Variants in OSBPL5 observed in about 807,000 individuals in gnomAD.
The protein encoded by OSBPL5 is oxysterol-binding protein-related protein 5.
OSBPL5 carries 71 observed loss-of-function variants against 111.2 expected under a neutral mutation model. That is an observed-to-expected ratio of 0.64 (90% confidence interval 0.53 to 0.78). The LOEUF (loss-of-function observed/expected upper bound fraction) is 0.78. OSBPL5 is among the 30% of genes least tolerant of loss of function. The pLI is 0.00. For missense variants in OSBPL5, 1,210 were observed against 1,189.3 expected, an observed-to-expected ratio of 1.02 and a Z score of -0.26; for synonymous variants, 549 against 513.9, an observed-to-expected ratio of 1.07 and a Z score of -0.93.
intron 1 of OSBPL5, among the ~76,000 whole-genome samples, chr11:3,156,700 T>C (rs906596336): frequency 1.3e-5 from 2 of 152,240 alleles, no homozygotes; most frequent in Non-Finnish European, 2.9e-5. Flanking sequence ...AATCATTCAT[T>C]ATGCATAAGC....
At chr11:3,152,115 G>A (rs1846611801) in intron 1 of OSBPL5, among the ~76,000 whole-genome samples, 1 of 152,172 alleles carries the variant, frequency 6.6e-6, no homozygotes, top group African/African-American at 2.4e-5. Flanking sequence ...TGGTGGCTCT[G>A]CCCCTGCTCA....
chr11:3,103,266 G>T lies in OSBPL5; in HGVS notation c.1299C>A (p.Tyr433Ter). The T allele has an allele frequency of 6.2e-7, 1 of 1,607,894 alleles. No individual in the cohort carries two copies. Among genetic ancestry groups the T allele is most frequent in the Non-Finnish European group, 8.5e-7 (1 of 1,177,210 alleles). ...YSRMKLVLRW[Y>*]LSGFYKKPKG... The stretch of plus-strand genomic sequence containing the variant: ...TGGGCTTCTTGTAGAAGCCAGACAG[G>T]TACCACCGCAGCACCAGCTTCATGC... The change falls in exon 11 of 22, where the codon TAC becomes TAA. Residue 433 changes from tyrosine (Y) to a stop codon, truncating the protein, a stop_gained. Transcript: ENST00000263650. LOFTEE classifies it high-confidence loss of function.
chr11:3,091,886 G>A (rs1299650260), intron 19 of OSBPL5, among the ~76,000 whole-genome samples: 4 of 152,182 alleles, frequency 2.6e-5, no homozygotes, highest in African/African-American at 4.8e-5. Context: ...CCCTCTGCAC[G>A]CAGTAGGTGC....
chr11:3,160,380 A>C (rs754496184), intron 1 of OSBPL5, among the ~76,000 whole-genome samples: 33 of 152,220 alleles, frequency 2.2e-4, no homozygotes, highest in Admixed American at 7.9e-4. Context: ...ATAGGCGGGC[A>C]GGAGCGGGAC....
chr11:3,129,123 C>G lies in OSBPL5; in HGVS notation c.26G>C (p.Arg9Pro), dbSNP rs534210917. ...GGAAGGTGGACACAGGGAGAAGCGGCGCCGGAGGAAGGCCTCCTCCTTCAT... is the reference window on the plus strand; with the variant it reads ...GGAAGGTGGACACAGGGAGAAGCGGGGCCGGAGGAAGGCCTCCTCCTTCAT... MKEEAFLR[R>P]RFSLCPPSST... The change falls in exon 2 of 22, where the codon CGC becomes CCC. Residue 9 changes from arginine (R) to proline (P), a missense_variant. Coordinates refer to ENST00000263650, the MANE Select transcript of OSBPL5 (RefSeq NM_020896.4). The G allele has an allele frequency of 2.7e-6, 4 of 1,491,784 alleles. No individual in the cohort carries two copies. Among genetic ancestry groups the G allele is most frequent in the Non-Finnish European group, 1.8e-6 (2 of 1,117,494 alleles). The allele number at this position is 1,491,784 out of a possible 1,614,324, so 92.4% of individuals were successfully genotyped here.
At chr11:3,119,110 A>G (rs1187665641) in intron 7 of OSBPL5, among the ~76,000 whole-genome samples, 1 of 151,958 alleles carries the variant, frequency 6.6e-6, no homozygotes, top group Admixed American at 6.6e-5. Context: ...CCCGGGTTCA[A>G]GCAATCCTCC....
chr11:3,151,552 C>T (rs569765644), intron 1 of OSBPL5, among the ~76,000 whole-genome samples: 9 of 152,312 alleles, frequency 5.9e-5, no homozygotes, highest in Admixed American at 1.3e-4. Flanking sequence ...GCATCCAAAC[C>T]GACCCCTGCC....
rs936650455 is a variant in OSBPL5, at chr11:3,105,524, C to T, written c.1060-1147G>A. 1.4e-4 allele frequency among the ~76,000 whole-genome samples: 21 copies of T among 152,108 alleles called. No individual in the cohort carries two copies. Among genetic ancestry groups the T allele is most frequent in the Admixed American group, 1.0e-3 (16 of 15,284 alleles). ...CTGCTCTGTCCATGTGCTCCCGTCC[C>T]GTCCTCCTTAACCCTCTCCACCAGG... On this transcript the variant is annotated intron_variant, in intron 9 of 21. Coordinates refer to ENST00000263650, the MANE Select transcript of OSBPL5 (RefSeq NM_020896.4). The surrounding 1 kb of genome is among the most constrained non-coding windows in gnomAD (Gnocchi z 5.2).
chr11:3,160,672 T>TGGCCCCCCCCCCCCCCCCCCCCCCC (rs1846933748), intron 1 of OSBPL5, among the ~76,000 whole-genome samples: 2 of 122,538 alleles, frequency 1.6e-5, no homozygotes, highest in Non-Finnish European at 1.7e-5. Flanking sequence ...ATGACAACCC[T>TGGCCCCCCCCCCCCCCCCCCCCCCC]CCCCCCCCCC....
At chr11:3,111,773 G>A (rs147396588) in intron 7 of OSBPL5, among the ~76,000 whole-genome samples, 2 of 152,274 alleles carry the variant, frequency 1.3e-5, no homozygotes, top group East Asian at 3.9e-4. Flanking sequence ...CTACTAAGGG[G>A]CTTTATTCAT....
At chr11:3,120,335 G>A in intron 6 of OSBPL5, 86 bp downstream of exon 6, 1 of 1,502,536 alleles carries the variant, frequency 6.7e-7, no homozygotes, top group Non-Finnish European at 9.0e-7. Flanking sequence ...CATTCAGCTG[G>A]TTGGCTCCAC....
rs369805404 is a variant in OSBPL5, at chr11:3,093,619, C to T, written c.1854G>A (p.Ala618=). 2.8e-5 allele frequency: 45 copies of T among 1,612,946 alleles called. No individual in the cohort carries two copies. In the African/African-American group the frequency reaches 2.8e-4, roughly 10 times the overall value. ...FIKEEGSGSS[A]LFWTPSGEVR... is the part of the protein sequence containing the mutation. ...CCTCCCCGCTCGGGGTCCAGAAAAG[C>T]GCACTGCTTCCGCTCCCTTCCTCCT... The change falls in exon 17 of 22, where the codon GCG becomes GCA. Residue 618 remains alanine (A), a synonymous_variant. Coordinates refer to ENST00000263650, the MANE Select transcript of OSBPL5 (RefSeq NM_020896.4).
At chr11:3,152,957 C>T (rs1037136431) in intron 1 of OSBPL5, among the ~76,000 whole-genome samples, 2 of 152,144 alleles carry the variant, frequency 1.3e-5, no homozygotes, top group African/African-American at 4.8e-5. Flanking sequence ...CAATCTTACT[C>T]ATCTGGTTTC....
intron 19 of OSBPL5, among the ~76,000 whole-genome samples, chr11:3,091,471 C>T (rs1857052310): frequency 6.6e-6 from 1 of 152,096 alleles, no homozygotes. Context: ...TGGCAGGGCC[C>T]AGGCTGACTG....
At position 3,150,420 on chromosome 11, in the gene OSBPL5, G is replaced by C. The variant is rs1846543289; in HGVS notation, c.-22+14796C>G. ...GGATGCAGCCTTGGGGAGGAACCCAGCAGCTCCTCCTCCTTAGGGAGGAGC... is the reference window on the plus strand; with the variant it reads ...GGATGCAGCCTTGGGGAGGAACCCACCAGCTCCTCCTCCTTAGGGAGGAGC... On this transcript the variant is annotated intron_variant, in intron 1 of 21. Transcript: ENST00000263650. Among the ~76,000 whole-genome samples, 5 of 152,272 alleles carry C rather than the reference G, an allele frequency of 3.3e-5. No individual in the cohort carries two copies. In the South Asian group the frequency reaches 8.3e-4, roughly 25 times the overall value.
chr11:3,094,242 G>A lies in OSBPL5; in HGVS notation c.1714C>T (p.Leu572Phe), dbSNP rs1460137811. ...NNFQAQLEFK[L>F]KPFFGGSTSI... ...CAGGCTGCAGCCAGCGCTACCTTGA[G>A]TTTGAATTCCAGCTGGGCCTGGAAG... The change falls in exon 15 of 22, where the codon CTC becomes TTC. Residue 572 changes from leucine (L) to phenylalanine (F), a missense_variant. Leu to Phe is a conservative substitution (Grantham distance 22). Transcript: ENST00000263650. 6.2e-7 allele frequency: 1 copy of A among 1,613,424 alleles called. No homozygotes were observed. Among genetic ancestry groups the A allele is most frequent in the South Asian group, 1.1e-5 (1 of 91,046 alleles).
At chr11:3,102,385 G>C (rs1255061308) in intron 11 of OSBPL5, 104 bp from the exon 12 acceptor site, 3 of 1,030,852 alleles carry the variant, frequency 2.9e-6, no homozygotes, top group South Asian at 1.4e-5. Context: ...TGGGCTACCC[G>C]CTGCCTGCTG....
At chr11:3,102,133 CGCCCCATAGAGCCCA>C (rs1434267033) in intron 12 of OSBPL5, 35 bp downstream of exon 12, 2 of 1,538,026 alleles carry the variant, frequency 1.3e-6, no homozygotes, top group Admixed American at 3.9e-5. Flanking sequence ...CACAGAGCCC[CGCCCCATAGAGCCCA>C]GCACCCAGGC....
chr11:3,090,031 C>T, intron 20 of OSBPL5, 83 bp from the exon 21 acceptor site: 2 of 1,102,742 alleles, frequency 1.8e-6, no homozygotes, highest in East Asian at 2.6e-5. Flanking sequence ...GCACGTGGGT[C>T]ACAGGGTCAT....
Sources: gnomAD v4.1 joint callset for allele counts (sites outside exome capture counted in the v4.1 genomes callset) on GRCh38, gnomAD v4.1.1 for gene constraint, Gnocchi (gnomAD v3.1) non-coding constraint, MANE v1.5 for transcripts, NCBI Gene and HGNC (gene_info 2026-07-23, HGNC 2026-07-21) for gene names.